Variants in CDC14A observed in about 807,000 individuals in gnomAD.
CDC14A encodes cell division cycle 14A.
CDC14A carries 53 observed loss-of-function variants against 74.4 expected under a neutral mutation model. The ratio of observed to expected loss-of-function variants is 0.71; its 90% confidence interval spans 0.57 to 0.89. The LOEUF (loss-of-function observed/expected upper bound fraction) is 0.89, where lower values mean the gene tolerates loss of function less well. CDC14A is among the 40% of genes least tolerant of loss of function. The pLI, the probability that CDC14A is intolerant of heterozygous loss-of-function variation, is 0.00. For missense variants in CDC14A, 646 were observed against 713.7 expected (o/e 0.91, Z 1.08); for synonymous variants, 247 against 258.4 (o/e 0.96, Z 0.43).
In CDC14A at chr1:100,443,021, A is replaced by T. The variant is rs78861171; in HGVS notation, c.519+25A>T. 0.15 allele frequency: 212,759 copies of T among 1,429,526 alleles called. 17,088 individuals carry two copies. Among genetic ancestry groups the T allele is most frequent in the Non-Finnish European group, 0.16 (162,147 of 1,015,514 alleles). The allele number at this position is 1,429,526 out of a possible 1,614,324, so 88.6% of individuals were successfully genotyped here. A position where few individuals can be genotyped will look rare whatever the true frequency, so the allele number is the denominator to read the frequency against. Reference sequence around the variant, plus strand: ...GGTTTGTACATTTAATTTTTTTTACAAAACATAATTTCATGTTGATTAATT... The same window carrying T: ...GGTTTGTACATTTAATTTTTTTTACTAAACATAATTTCATGTTGATTAATT... On this transcript the variant is annotated intron_variant, in intron 7 of 15. Transcript: ENST00000336454.
chr1:100,472,250 G>A lies in CDC14A; in HGVS notation c.977+4156G>A, dbSNP rs1158297281. On this transcript the variant is annotated intron_variant, in intron 10 of 15. Transcript: ENST00000336454. ...TAGCTATTTCTTATCTTTTGGTACA[G>A]CTATCTGTTGGAGATATACCTGTGA... Among the ~76,000 whole-genome samples the A allele has an allele frequency of 3.9e-5, 6 of 152,162 alleles. 1 individual carries two copies. The highest frequency in any genetic ancestry group is 3.9e-4 in the Admixed American group (6 of 15,288).
intron 2 of CDC14A, among the ~76,000 whole-genome samples, chr1:100,367,826 A>G (rs1653863952): frequency 6.6e-6 from 1 of 151,880 alleles, no homozygotes; most frequent in African/African-American, 2.4e-5. Flanking sequence ...TTTTTTTTCT[A>G]CCTTTAACCT....
chr1:100,408,165 G>A (rs1660199623), intron 4 of CDC14A, among the ~76,000 whole-genome samples: 1 of 152,160 alleles, frequency 6.6e-6, no homozygotes, highest in Non-Finnish European at 1.5e-5. Context: ...AGAATATGCA[G>A]TATTTGGTTT....
chr1:100,351,209 T>TAA (rs113284769), upstream of CDC14A, among the ~76,000 whole-genome samples: 62 of 142,976 alleles, frequency 4.3e-4, no homozygotes, highest in Non-Finnish European at 5.8e-4. Context: ...AAACACACAT[T>TAA]AAAAAAAAAA....
chr1:100,421,398 G>A (rs1341465250), intron 4 of CDC14A, among the ~76,000 whole-genome samples: 1 of 152,176 alleles, frequency 6.6e-6, no homozygotes, highest in Non-Finnish European at 1.5e-5. Flanking sequence ...TTTATTTTTA[G>A]AAAGAGTACA....
At chr1:100,510,882 A>G (rs1649698886) in intron 15 of CDC14A, among the ~76,000 whole-genome samples, 1 of 151,976 alleles carries the variant, frequency 6.6e-6, no homozygotes, top group South Asian at 2.1e-4. Flanking sequence ...AACATTTTTC[A>G]CCAACACAAC....
At chr1:100,480,779 G>C (rs1669375283) in intron 10 of CDC14A, among the ~76,000 whole-genome samples, 1 of 152,190 alleles carries the variant, frequency 6.6e-6, no homozygotes, top group African/African-American at 2.4e-5. Flanking sequence ...TAGTTATGAA[G>C]TTTGCATTTT....
intron 6 of CDC14A, among the ~76,000 whole-genome samples, 186 bp downstream of exon 6, chr1:100,440,184 G>A (rs1267033069): frequency 1.3e-5 from 2 of 152,212 alleles, no homozygotes; most frequent in Admixed American, 6.5e-5. Flanking sequence ...GGAGGAGGGA[G>A]TGGCAGGGGC....
At chr1:100,484,219 C>T (rs1669802439) in intron 10 of CDC14A, 73 bp from the exon 11 acceptor site, 1 of 806,804 alleles carries the variant, frequency 1.2e-6, no homozygotes. Flanking sequence ...GACATCATAC[C>T]TTTGAGATGA....
At chr1:100,353,738 C>T (rs1158657743) in intron 1 of CDC14A, 24 bp from the exon 2 acceptor site, 1 of 1,300,426 alleles carries the variant, frequency 7.7e-7, no homozygotes, top group Non-Finnish European at 1.1e-6. Context: ...TATGTTTTTT[C>T]TGTCTTTTAA....
chr1:100,439,730 A>T lies in CDC14A; in HGVS notation c.390-202A>T, dbSNP rs796755149. On this transcript the variant is annotated intron_variant, in intron 5 of 15. Coordinates refer to ENST00000336454, the MANE Select transcript of CDC14A (RefSeq NM_003672.4). ...ACTCAGGAACGCAGGCTCTTAAATCAGCCTCTTGGATTAAAGCAATTTCAG... is the reference window on the plus strand; with the variant it reads ...ACTCAGGAACGCAGGCTCTTAAATCTGCCTCTTGGATTAAAGCAATTTCAG... Among the ~76,000 whole-genome samples, 3 of 152,206 alleles carry T rather than the reference A, an allele frequency of 2.0e-5. No individual in the cohort carries two copies. In the South Asian group the frequency reaches 6.2e-4, roughly 32 times the overall value.
At chr1:100,473,007 A>T (rs1032136095) in intron 10 of CDC14A, among the ~76,000 whole-genome samples, 3 of 143,876 alleles carry the variant, frequency 2.1e-5, no homozygotes, top group African/African-American at 8.9e-5. Context: ...GATTCCTTCC[A>T]CTTTCTCCTT....
chr1:100,430,012 A>G (rs1039786697), intron 5 of CDC14A, among the ~76,000 whole-genome samples: 10 of 151,946 alleles, frequency 6.6e-5, no homozygotes, highest in Non-Finnish European at 1.2e-4. Flanking sequence ...GGCATGCACC[A>G]CTGCATCTGG....
At chr1:100,468,532 G>A (rs962950537) in intron 10 of CDC14A, among the ~76,000 whole-genome samples, 7 of 152,238 alleles carry the variant, frequency 4.6e-5, no homozygotes, top group Non-Finnish European at 7.4e-5. Context: ...TGCTAATGTA[G>A]GTACAACTTA....
chr1:100,393,709 A>C lies in CDC14A; in HGVS notation c.309+2885A>C, dbSNP rs543717852. ...GGTGGCACACGACTGTAATCCCAGC[A>C]CTTTGGGAGGCTGAGGCGGGCGGAT... On this transcript the variant is annotated intron_variant, in intron 4 of 15. Coordinates refer to ENST00000336454, the MANE Select transcript of CDC14A (RefSeq NM_003672.4). The C allele has an allele frequency of 4.8e-4, 189 of 394,712 alleles. 2 individuals are homozygous for C. Among genetic ancestry groups the C allele is most frequent in the Non-Finnish European group, 6.0e-4 (123 of 205,780 alleles). 24.5% of individuals were successfully genotyped at this position (394,712 alleles called of 1,614,324 possible).
intron 5 of CDC14A, among the ~76,000 whole-genome samples, chr1:100,427,023 C>A (rs1236805688): frequency 2.0e-5 from 3 of 152,072 alleles, no homozygotes; most frequent in Non-Finnish European, 2.9e-5. Context: ...GTCTACAGTT[C>A]AGGCCAACTA....
chr1:100,429,796 A>G (rs1482207069), intron 5 of CDC14A, among the ~76,000 whole-genome samples: 1 of 149,654 alleles, frequency 6.7e-6, no homozygotes, highest in Non-Finnish European at 1.5e-5. Flanking sequence ...TATCAAGTAA[A>G]TTTAAAACTC....
Position 100,441,808 on chromosome 1 carries a change from T to C in CDC14A, c.457-1126T>C, listed in dbSNP as rs1191565412. Among the ~76,000 whole-genome samples the C allele has an allele frequency of 3.3e-5, 5 of 152,240 alleles. No homozygotes were observed. In the East Asian group the frequency reaches 9.7e-4, roughly 29 times the overall value. The stretch of plus-strand genomic sequence containing the variant: ...TCCTGGGCCCCAACCACAGCAAATA[T>C]GATTTGATAGTTCTGGGGTGGGGCC... On this transcript the variant is annotated intron_variant, in intron 6 of 15. Coordinates refer to ENST00000336454, the MANE Select transcript of CDC14A (RefSeq NM_003672.4).
At chr1:100,388,960 A>G (rs12144412) in intron 3 of CDC14A, among the ~76,000 whole-genome samples, 2 of 152,134 alleles carry the variant, frequency 1.3e-5, no homozygotes, top group Non-Finnish European at 1.5e-5. Flanking sequence ...GGATCACTTA[A>G]GCCCAGGAGT....
Sources: allele counts gnomAD v4.1 joint callset (sites outside exome capture counted in the v4.1 genomes callset), GRCh38; gene constraint gnomAD v4.1.1; transcripts MANE v1.5; gene names NCBI Gene and HGNC (gene_info 2026-07-23, HGNC 2026-07-21).